NEGR1: variants seen among roughly 807,000 people sequenced by gnomAD.
NEGR1 encodes the protein neuronal growth regulator 1.
In NEGR1, 10 loss-of-function variants were observed where a neutral mutation model predicts 40.9. The ratio of observed to expected loss-of-function variants is 0.24; its 90% CI spans 0.15 to 0.42. NEGR1 has a LOEUF of 0.42. NEGR1 is among the 10% of genes least tolerant of loss of function. The probability of loss-of-function intolerance (pLI) is 1.00; values close to 1 mark genes in which losing one functional copy is unlikely to be tolerated. For synonymous variants in NEGR1, 185 were observed against 166.8 expected (o/e 1.11, Z -0.84); for missense variants, 352 against 438.9 (o/e 0.80, Z 1.77).
At chr1:71,856,127 T>C (rs1208197298) in intron 2 of NEGR1, among the ~76,000 whole-genome samples, 1 of 152,044 alleles carries the variant, frequency 6.6e-6, no homozygotes, top group Non-Finnish European at 1.5e-5. Context: ...GTTCAAAATA[T>C]GGAGGCCAAA....
rs140264410 is a variant in NEGR1, at chr1:72,095,035, C to T, written c.177-159724G>A. Among the ~76,000 whole-genome samples, 862 of 152,202 alleles carry T rather than the reference C, an allele frequency of 5.7e-3. 5 individuals are homozygous for T. Among genetic ancestry groups the T allele is most frequent in the African/African-American group, 0.019 (808 of 41,536 alleles). Reference sequence around the variant, plus strand: ...AGAAATTATTCTACAAGTGAAGATGCTTGAAAGCTAAAACTTACAACTTAA... The same window carrying T: ...AGAAATTATTCTACAAGTGAAGATGTTTGAAAGCTAAAACTTACAACTTAA... On this transcript the variant is annotated intron_variant, in intron 1 of 6. Transcript: ENST00000357731.
intron 1 of NEGR1, among the ~76,000 whole-genome samples, chr1:72,243,869 G>C (rs1654823372): frequency 6.6e-6 from 1 of 151,648 alleles, no homozygotes; most frequent in Non-Finnish European, 1.5e-5. Context: ...ATGAGGTTTT[G>C]ATACATAGCA....
chr1:72,067,967 G>C (rs1647318216), intron 1 of NEGR1, among the ~76,000 whole-genome samples: 1 of 152,010 alleles, frequency 6.6e-6, no homozygotes, highest in Non-Finnish European at 1.5e-5. Flanking sequence ...AATGTATATT[G>C]CCAAGTTCTC....
chr1:71,775,346 CTTTT>C (rs11290277), intron 3 of NEGR1, among the ~76,000 whole-genome samples: 13 of 131,510 alleles, frequency 9.9e-5, no homozygotes, highest in Admixed American at 1.5e-4. Context: ...TATTCTTTAA[CTTTT>C]TTTTTTTTTT....
chr1:71,815,628 TC>T (rs1043006763), intron 2 of NEGR1, among the ~76,000 whole-genome samples: 3 of 152,220 alleles, frequency 2.0e-5, no homozygotes, highest in African/African-American at 7.2e-5. Context: ...ACTTAGTTCT[TC>T]TTGTTGAGTT....
At chr1:71,758,175 T>C (rs1475895801) in intron 3 of NEGR1, among the ~76,000 whole-genome samples, 1 of 152,096 alleles carries the variant, frequency 6.6e-6, no homozygotes, top group Non-Finnish European at 1.5e-5. Context: ...CCTTTTAAGC[T>C]CTATATAATA....
At chr1:72,169,153 G>A (rs1340764638) in intron 1 of NEGR1, among the ~76,000 whole-genome samples, 2 of 151,934 alleles carry the variant, frequency 1.3e-5, no homozygotes, top group African/African-American at 4.8e-5. Flanking sequence ...AAAATTCAAG[G>A]AGTCAGATAT....
intron 1 of NEGR1, among the ~76,000 whole-genome samples, chr1:72,213,538 T>C (rs1557581565): frequency 6.6e-6 from 1 of 152,004 alleles, no homozygotes; most frequent in Non-Finnish European, 1.5e-5. Flanking sequence ...ACCTGTTAAA[T>C]AAACTTTCTA....
rs1646249486 is a variant in NEGR1, at chr1:71,401,987, A to G, written c.*5459T>C. ...AAATACAAGGATGTCATAAATATCT[A>G]TATTTATATTTAAAATGTGCTTATA... On this transcript the variant is annotated 3_prime_UTR_variant, in exon 7 of 7. Coordinates refer to ENST00000357731, the MANE Select transcript of NEGR1 (RefSeq NM_173808.3). The G allele has an allele frequency of 3.3e-5, 5 of 151,978 alleles. No individual in the cohort carries two copies. Among genetic ancestry groups the G allele is most frequent in the Admixed American group, 3.3e-4 (5 of 15,242 alleles). 9.4% of individuals were successfully genotyped at this position (151,978 alleles called of 1,614,324 possible). A position where few individuals can be genotyped will look rare whatever the true frequency, so the allele number is the denominator to read the frequency against.
chr1:71,805,617 T>A (rs12031844), intron 2 of NEGR1, among the ~76,000 whole-genome samples: 1 of 152,058 alleles, frequency 6.6e-6, no homozygotes, highest in Non-Finnish European at 1.5e-5. Context: ...TTAGAGATAA[T>A]TGGAATGTTG....
intron 6 of NEGR1, among the ~76,000 whole-genome samples, chr1:71,495,340 G>A (rs1034085851): frequency 6.6e-6 from 1 of 152,030 alleles, no homozygotes; most frequent in Non-Finnish European, 1.5e-5. Context: ...AGCCAGGCAT[G>A]GTGGCACAGG....
chr1:72,032,091 A>T (rs777208065), intron 1 of NEGR1, among the ~76,000 whole-genome samples: 2 of 152,186 alleles, frequency 1.3e-5, no homozygotes, highest in Non-Finnish European at 2.9e-5. Flanking sequence ...TCTGACTCAA[A>T]AACACTTGTT....
At chr1:72,107,703 G>A (rs778583292) in intron 1 of NEGR1, among the ~76,000 whole-genome samples, 2 of 150,936 alleles carry the variant, frequency 1.3e-5, no homozygotes, top group African/African-American at 2.4e-5. Context: ...TGACTATGTA[G>A]AATGACACAG....
At chr1:72,192,065 C>T in intron 1 of NEGR1, among the ~76,000 whole-genome samples, 1 of 151,918 alleles carries the variant, frequency 6.6e-6, no homozygotes, top group East Asian at 1.9e-4. Context: ...AGTTTTGGAA[C>T]ATTATAAACA....
chr1:71,908,939 T>C (rs939544053), intron 2 of NEGR1, among the ~76,000 whole-genome samples: 2 of 152,204 alleles, frequency 1.3e-5, no homozygotes, highest in African/African-American at 4.8e-5. Context: ...TTCCCTTATT[T>C]CTTAAATACA....
chr1:71,927,851 A>AAAAAAAAAAAG lies in NEGR1; in HGVS notation c.409+7227_409+7228insCTTTTTTTTTT, dbSNP rs1557437874. On this transcript the variant is annotated intron_variant, in intron 2 of 6. Transcript: ENST00000357731. Reference sequence around the variant, plus strand: ...AAAAAAAAAAAAAAAAAAAAAAAAAAGCCAGGCAGAGTGGTGTGCACCTGT... The same window carrying AAAAAAAAAAAG: ...AAAAAAAAAAAAAAAAAAAAAAAAAAAAAAAAAAAAGGCCAGGCAGAGTGGTGTGCACCTGT... 3.4e-4 allele frequency among the ~76,000 whole-genome samples: 43 copies of AAAAAAAAAAAG among 125,376 alleles called. 2 individuals carry two copies. Among genetic ancestry groups the AAAAAAAAAAAG allele is most frequent in the African/African-American group, 1.3e-3 (41 of 31,104 alleles). The allele number at this position is 125,376 out of a possible 152,430, so 82.3% of individuals were successfully genotyped here. A position where few individuals can be genotyped will look rare whatever the true frequency, so the allele number is the denominator to read the frequency against.
intron 1 of NEGR1, among the ~76,000 whole-genome samples, chr1:72,112,482 A>G (rs1405811690): frequency 3.3e-5 from 5 of 151,654 alleles, no homozygotes; most frequent in Non-Finnish European, 5.9e-5. Context: ...CTGATCTCAA[A>G]TTGTTCTGAA....
intron 6 of NEGR1, among the ~76,000 whole-genome samples, chr1:71,481,950 A>G (rs2101373072): frequency 6.6e-6 from 1 of 151,630 alleles, no homozygotes; most frequent in Admixed American, 6.6e-5. Context: ...CTTTCTCTGT[A>G]CTTTAGTTTT....
At chr1:72,070,152 A>T (rs1647402590) in intron 1 of NEGR1, among the ~76,000 whole-genome samples, 1 of 152,064 alleles carries the variant, frequency 6.6e-6, no homozygotes, top group Non-Finnish European at 1.5e-5. Flanking sequence ...TATATCACTG[A>T]ATTATATAAA....
Sources: allele counts gnomAD v4.1 joint callset (sites outside exome capture counted in the v4.1 genomes callset), GRCh38; gene constraint gnomAD v4.1.1; transcripts MANE v1.5; gene names NCBI Gene and HGNC (gene_info 2026-07-23, HGNC 2026-07-21).